NPFFR2: variants seen among roughly 807,000 people sequenced by gnomAD.
NPFFR2 encodes the protein G-protein coupled receptor 74.
NPFFR2 carries 15 observed loss-of-function variants against 13.1 expected under a neutral mutation model. The ratio of observed to expected loss-of-function variants is 1.15; its 90% confidence interval spans 0.77 to 1.76. The LOEUF is 1.76. Ranked by LOEUF, NPFFR2 falls within the 40% of genes most tolerant of loss-of-function variation. The pLI is 0.00. For synonymous variants in NPFFR2, 190 were observed against 175.7 expected (o/e 1.08, Z -0.65); for missense variants, 572 against 503.5 (o/e 1.14, Z -1.30).
chr4:72,113,978 C>A (rs1312711910), intron 1 of NPFFR2, among the ~76,000 whole-genome samples: 5 of 152,046 alleles, frequency 3.3e-5, no homozygotes, highest in Admixed American at 2.0e-4. Flanking sequence ...TACAGGCAAT[C>A]CTTTACCAGG....
chr4:72,143,595 A>C (rs1275728762), intron 3 of NPFFR2, among the ~76,000 whole-genome samples: 1 of 152,148 alleles, frequency 6.6e-6, no homozygotes, highest in East Asian at 1.9e-4. Context: ...TTATAGGCGC[A>C]TCCAGAAATA....
chr4:72,108,760 A>G (rs1329842880), intron 1 of NPFFR2, among the ~76,000 whole-genome samples: 1 of 152,028 alleles, frequency 6.6e-6, no homozygotes, highest in East Asian at 1.9e-4. Flanking sequence ...AAGTCTTTTG[A>G]TACATTTATT....
rs1158590832 is a variant in NPFFR2 at position 72,128,706 on chromosome 4, C to G, written c.115C>G (p.Leu39Val). Reference sequence around the variant, plus strand: ...TAATATTACCTATGTGAACTACTATCTTCACCAGCCTCAAGTGGCAGCAAT... The same window carrying G: ...TAATATTACCTATGTGAACTACTATGTTCACCAGCCTCAAGTGGCAGCAAT... The part of the protein sequence containing the change: ...DINITYVNYY[L>V]HQPQVAAIFI... Residue 39 changes from leucine (L) to valine (V), a missense_variant, in exon 2 of 4, where the codon CTT (leucine) becomes GTT (valine). Coordinates refer to ENST00000308744, the MANE Select transcript of NPFFR2 (RefSeq NM_004885.3). 6.2e-7 allele frequency: 1 copy of G among 1,614,068 alleles called. No individual in the cohort carries two copies.
intron 3 of NPFFR2, among the ~76,000 whole-genome samples, chr4:72,139,140 T>C (rs1382785376): frequency 6.6e-6 from 1 of 152,210 alleles, no homozygotes; most frequent in Non-Finnish European, 1.5e-5. Flanking sequence ...TTAAGTTCTT[T>C]GTAGATTCTG....
At chr4:72,046,056 G>A (rs1002485884) in intron 1 of NPFFR2, among the ~76,000 whole-genome samples, 1 of 152,140 alleles carries the variant, frequency 6.6e-6, no homozygotes, top group Non-Finnish European at 1.5e-5. Flanking sequence ...GAATGGGTAA[G>A]TAATAGGTAA....
At chr4:72,072,674 CTT>C (rs1230416303) in intron 1 of NPFFR2, among the ~76,000 whole-genome samples, 1 of 151,988 alleles carries the variant, frequency 6.6e-6, no homozygotes, top group Non-Finnish European at 1.5e-5. Context: ...TGGCTGAAAA[CTT>C]TTCAAATATA....
intron 1 of NPFFR2, among the ~76,000 whole-genome samples, chr4:72,048,537 A>C (rs757387525): frequency 6.6e-6 from 1 of 151,798 alleles, no homozygotes; most frequent in Non-Finnish European, 1.5e-5. Context: ...GAATGAAAGA[A>C]GTATCTGATG....
intron 1 of NPFFR2, among the ~76,000 whole-genome samples, chr4:72,073,988 A>G (rs1184217835): frequency 4.2e-5 from 6 of 143,832 alleles, no homozygotes; most frequent in Non-Finnish European, 7.7e-5. Flanking sequence ...TATAAGGCAT[A>G]GAGTGGTTTC....
At chr4:72,142,629 A>G (rs1722665506) in intron 3 of NPFFR2, among the ~76,000 whole-genome samples, 1 of 152,236 alleles carries the variant, frequency 6.6e-6, no homozygotes, top group Non-Finnish European at 1.5e-5. Flanking sequence ...TAATAAGAAA[A>G]TGAAACTATT....
chr4:72,138,247 T>C, intron 3 of NPFFR2, 108 bp downstream of exon 3: 1 of 689,492 alleles, frequency 1.5e-6, no homozygotes, highest in Non-Finnish European at 2.6e-6. Context: ...CAAATTGTAT[T>C]CACAATATCT....
chr4:72,032,015 G>A lies in NPFFR2; in HGVS notation c.-193G>A. ...AGCGCAGAGCACTCAGCGTCCAGCA[G>A]CGCGGCGGGCCAGCCTGGAGCGGAA... is the stretch of plus-strand genomic sequence containing the variant. On this transcript the variant is annotated 5_prime_UTR_variant, in exon 1 of 4. Transcript: ENST00000308744. 6.2e-7 allele frequency: 1 copy of A among 1,613,860 alleles called. No individual in the cohort carries two copies. The highest frequency in any genetic ancestry group is 8.5e-7 in the Non-Finnish European group (1 of 1,179,910).
chr4:72,100,866 G>A (rs1266608478), intron 1 of NPFFR2, among the ~76,000 whole-genome samples: 1 of 151,916 alleles, frequency 6.6e-6, no homozygotes, highest in Admixed American at 6.6e-5. Context: ...TAAATGGCAA[G>A]AAAAGGATGA....
intron 1 of NPFFR2, among the ~76,000 whole-genome samples, chr4:72,040,068 TG>T (rs1719163571): frequency 6.6e-6 from 1 of 152,190 alleles, no homozygotes; most frequent in Admixed American, 6.5e-5. Context: ...ATACATTCTT[TG>T]AATATTGTAA....
chr4:72,133,049 T>G (rs952075329), intron 2 of NPFFR2, among the ~76,000 whole-genome samples: 2 of 152,222 alleles, frequency 1.3e-5, no homozygotes, highest in Admixed American at 1.3e-4. Flanking sequence ...TGATTGCTTT[T>G]GGTGTCTTCC....
chr4:72,072,616 G>C (rs1167219757), intron 1 of NPFFR2, among the ~76,000 whole-genome samples: 1 of 152,038 alleles, frequency 6.6e-6, no homozygotes, highest in African/African-American at 2.4e-5. Context: ...GAAAATCTCA[G>C]GGGGGAAGAG....
At chr4:72,101,930 T>C (rs1721262387) in intron 1 of NPFFR2, among the ~76,000 whole-genome samples, 1 of 152,004 alleles carries the variant, frequency 6.6e-6, no homozygotes, top group Non-Finnish European at 1.5e-5. Context: ...ATATCAACTC[T>C]GTAAAAAAGG....
At chr4:72,120,603 C>A (rs1721843140) in intron 1 of NPFFR2, among the ~76,000 whole-genome samples, 1 of 152,168 alleles carries the variant, frequency 6.6e-6, no homozygotes, top group Non-Finnish European at 1.5e-5. Context: ...GCTGGTGATA[C>A]CCAGGCAAAT....
chr4:72,035,277 C>G (rs561535565), intron 1 of NPFFR2, among the ~76,000 whole-genome samples: 1 of 152,228 alleles, frequency 6.6e-6, no homozygotes, highest in South Asian at 2.1e-4. Context: ...ACATAGAAGA[C>G]GCACAAGAAT....
chr4:72,104,977 A>G (rs1395105714), intron 1 of NPFFR2, among the ~76,000 whole-genome samples: 2 of 151,566 alleles, frequency 1.3e-5, no homozygotes, highest in African/African-American at 2.4e-5. Context: ...CAGTATGACA[A>G]ATTTTCTATC....
Sources: allele counts gnomAD v4.1 joint callset (sites outside exome capture counted in the v4.1 genomes callset), GRCh38; gene constraint gnomAD v4.1.1; transcripts MANE v1.5; gene names NCBI Gene and HGNC (gene_info 2026-07-23, HGNC 2026-07-21).